ZRANB3: variants seen among roughly 807,000 people sequenced by gnomAD.
ZRANB3 encodes DNA annealing helicase and endonuclease ZRANB3.
Under a neutral mutation model 133.8 loss-of-function variants are expected in ZRANB3, and 125 were observed. The ratio of observed to expected loss-of-function variants is 0.93; its 90% CI spans 0.81 to 1.08. The LOEUF (loss-of-function observed/expected upper bound fraction) is 1.08. Among genes scored for constraint, ZRANB3 ranks in the 50% least tolerant of loss-of-function variants. ZRANB3 has a pLI of 0.00. For missense variants in ZRANB3, 1,229 were observed against 1,275.5 expected, an observed-to-expected ratio of 0.96 and a Z score of 0.56; for synonymous variants, 387 against 432.7, an observed-to-expected ratio of 0.89 and a Z score of 1.31.
At chr2:135,436,113 T>C (rs1449812441) in intron 2 of ZRANB3, among the ~76,000 whole-genome samples, 4 of 152,208 alleles carry the variant, frequency 2.6e-5, no homozygotes, top group Non-Finnish European at 5.9e-5. Flanking sequence ...TTTATAGTTT[T>C]GGGTTTTACA....
At chr2:135,266,950 A>G (rs1048210970) in intron 11 of ZRANB3, among the ~76,000 whole-genome samples, 1 of 151,988 alleles carries the variant, frequency 6.6e-6, no homozygotes, top group African/African-American at 2.4e-5. Flanking sequence ...CTTTGAATCC[A>G]CCTATGATCT....
At chr2:135,492,034 G>T (rs1391266802) in intron 2 of ZRANB3, among the ~76,000 whole-genome samples, 2 of 152,002 alleles carry the variant, frequency 1.3e-5, no homozygotes. Flanking sequence ...GATAACCAGT[G>T]GATTCCAAAC....
intron 5 of ZRANB3, among the ~76,000 whole-genome samples, chr2:135,349,441 A>G (rs1023581018): frequency 7.9e-5 from 12 of 152,172 alleles, no homozygotes; most frequent in African/African-American, 2.9e-4. Context: ...CGTACTACCC[A>G]TCTCTTAGAG....
At chr2:135,259,761 T>C (rs1349801532) in intron 12 of ZRANB3, among the ~76,000 whole-genome samples, 2 of 151,864 alleles carry the variant, frequency 1.3e-5, no homozygotes, top group African/African-American at 2.4e-5. Context: ...TCATTACCCA[T>C]ACTAAATTAG....
At chr2:135,484,807 G>A (rs1322635608) in intron 2 of ZRANB3, among the ~76,000 whole-genome samples, 1 of 151,756 alleles carries the variant, frequency 6.6e-6, no homozygotes, top group Admixed American at 6.6e-5. Flanking sequence ...GCCAAAGTGG[G>A]CAGATCACTT....
chr2:135,439,652 A>G (rs1400056222), intron 2 of ZRANB3, among the ~76,000 whole-genome samples: 1 of 152,222 alleles, frequency 6.6e-6, no homozygotes, highest in Non-Finnish European at 1.5e-5. Flanking sequence ...TTTCTGTGAA[A>G]TTTAGCTTTA....
rs890973511 is a variant in ZRANB3 at position 135,472,966 on chromosome 2, T to C, written c.161+31363A>G. 3.3e-5 allele frequency among the ~76,000 whole-genome samples: 5 copies of C among 152,194 alleles called. No individual in the cohort carries two copies. In the East Asian group the frequency reaches 9.6e-4, roughly 29 times the overall value. ...CTTTTGAAAATCAAATTCACTTTCATATTCATTCCTATACCCTAAGAAAGT... is the reference window on the plus strand; with the variant it reads ...CTTTTGAAAATCAAATTCACTTTCACATTCATTCCTATACCCTAAGAAAGT... On this transcript the variant is annotated intron_variant, in intron 2 of 20. Coordinates refer to ENST00000264159, the MANE Select transcript of ZRANB3 (RefSeq NM_032143.4).
intron 12 of ZRANB3, among the ~76,000 whole-genome samples, chr2:135,235,539 T>C (rs1695246653): frequency 6.6e-6 from 1 of 152,060 alleles, no homozygotes; most frequent in African/African-American, 2.4e-5. Context: ...AAATCCTCAA[T>C]AAAATACTGG....
At chr2:135,215,095 T>A (rs1048155554) in intron 17 of ZRANB3, among the ~76,000 whole-genome samples, 1 of 150,742 alleles carries the variant, frequency 6.6e-6, no homozygotes, top group African/African-American at 2.4e-5. Context: ...TTTTTTGGGG[T>A]TTTGTGGAGA....
In ZRANB3 at chr2:135,341,096, G is replaced by A. The variant is rs933135556; in HGVS notation, c.677+4454C>T. Reference sequence around the variant, plus strand: ...GGCTGGAGTGCAGTGGCGCTATCTCGGCTCACTGAAAGCTCCACCTCCCGG... The same window carrying A: ...GGCTGGAGTGCAGTGGCGCTATCTCAGCTCACTGAAAGCTCCACCTCCCGG... On this transcript the variant is annotated intron_variant, in intron 6 of 20. Transcript: ENST00000264159. 1.2e-4 allele frequency among the ~76,000 whole-genome samples: 18 copies of A among 149,524 alleles called. 2 individuals are homozygous for A. Among genetic ancestry groups the A allele is most frequent in the South Asian group, 2.1e-4 (1 of 4,822 alleles).
rs1573658387 is a variant in ZRANB3, at chr2:135,202,819, G to C, written c.3141+13C>G. On this transcript the variant is annotated intron_variant, in intron 20 of 20. Coordinates refer to ENST00000264159, the MANE Select transcript of ZRANB3 (RefSeq NM_032143.4). ...TCAGGATGCAGTCAAAGCTATATGAGAGCTTCACTGACCTCTTTGTGACAG... is the reference window on the plus strand; with the variant it reads ...TCAGGATGCAGTCAAAGCTATATGACAGCTTCACTGACCTCTTTGTGACAG... The C allele has an allele frequency of 1.2e-6, 2 of 1,601,702 alleles. No homozygotes were observed. Among genetic ancestry groups the C allele is most frequent in the African/African-American group, 2.7e-5 (2 of 74,842 alleles).
At chr2:135,418,185 T>C (rs1688674749) in intron 2 of ZRANB3, among the ~76,000 whole-genome samples, 1 of 152,150 alleles carries the variant, frequency 6.6e-6, no homozygotes, top group Non-Finnish European at 1.5e-5. Flanking sequence ...ATTATTTACA[T>C]AGCATTTACA....
At chr2:135,492,576 T>A (rs554502609) in intron 2 of ZRANB3, among the ~76,000 whole-genome samples, 1 of 152,162 alleles carries the variant, frequency 6.6e-6, no homozygotes, top group African/African-American at 2.4e-5. Flanking sequence ...CACCTAGAAA[T>A]GCTAAATTAG....
chr2:135,420,091 T>TTATATATA (rs201217358), intron 2 of ZRANB3, among the ~76,000 whole-genome samples: 1,487 of 72,248 alleles, frequency 0.021, 19 homozygotes, highest in Middle Eastern at 0.036. Flanking sequence ...TATCTTAGAT[T>TTATATATA]TATATATATA....
chr2:135,501,396 T>C (rs1692935005), intron 2 of ZRANB3, among the ~76,000 whole-genome samples: 3 of 152,176 alleles, frequency 2.0e-5, no homozygotes, highest in Non-Finnish European at 4.4e-5. Context: ...GCACTAACAA[T>C]AGCACTATTA....
chr2:135,345,261 T>C, intron 6 of ZRANB3: 1 of 232,450 alleles, frequency 4.3e-6, no homozygotes, highest in East Asian at 9.4e-5. Context: ...AGGTCAGGAG[T>C]TCAAGACCAG....
intron 12 of ZRANB3, among the ~76,000 whole-genome samples, chr2:135,231,919 C>T (rs996290827): frequency 1.3e-5 from 2 of 152,168 alleles, no homozygotes; most frequent in East Asian, 3.9e-4. Flanking sequence ...AGGTTCATCT[C>T]ACTGGGGAGT....
chr2:135,409,739 C>T (rs975892561), intron 2 of ZRANB3, among the ~76,000 whole-genome samples: 1 of 152,146 alleles, frequency 6.6e-6, no homozygotes, highest in African/African-American at 2.4e-5. Context: ...AAGATCCTTC[C>T]AAAAGACTCC....
rs190695897 is a variant in ZRANB3, at chr2:135,305,275, C to T, written c.966+8214G>A. On this transcript the variant is annotated intron_variant, in intron 8 of 20. Coordinates refer to ENST00000264159, the MANE Select transcript of ZRANB3 (RefSeq NM_032143.4). ...GTGCCTGGCCCCTTTTACTATTTGA[C>T]ATAAGGTTTGCTTTTTCTGATAAGT... Among the ~76,000 whole-genome samples the T allele has an allele frequency of 4.3e-4, 66 of 152,316 alleles. 1 individual carries two copies. The East Asian group carries it at 9.4e-3, about 22-fold the overall frequency.
Sources: allele counts gnomAD v4.1 joint callset (sites outside exome capture counted in the v4.1 genomes callset), GRCh38; gene constraint gnomAD v4.1.1; transcripts MANE v1.5; gene names NCBI Gene and HGNC (gene_info 2026-07-23, HGNC 2026-07-21).